The following ROCK1 variants were observed in gnomAD, a reference collection of about 807,000 sequenced individuals.
ROCK1 encodes the protein rho-associated protein kinase 1.
In ROCK1, 36 loss-of-function variants were observed where a neutral mutation model predicts 196.8. The ratio of observed to expected loss-of-function variants is 0.18; its 90% CI spans 0.14 to 0.24. The LOEUF (loss-of-function observed/expected upper bound fraction) is 0.24. Among genes scored for constraint, ROCK1 ranks in the 10% least tolerant of loss-of-function variants. The probability of loss-of-function intolerance (pLI) is 1.00; values close to 1 mark genes in which losing one functional copy is unlikely to be tolerated. For synonymous variants in ROCK1, 443 were observed against 515.9 expected, an observed-to-expected ratio of 0.86 and a Z score of 1.91; for missense variants, 920 against 1,562.0, an observed-to-expected ratio of 0.59 and a Z score of 6.93.
intron 29 of ROCK1, among the ~76,000 whole-genome samples, chr18:20,955,800 A>G (rs1202598038): frequency 1.1e-4 from 16 of 149,646 alleles, no homozygotes; most frequent in African/African-American, 3.7e-4. Context: ...GATTGATCTT[A>G]AGGGAATTAT....
At position 20,947,741 on chromosome 18, in the gene ROCK1, A is replaced by C. The variant is rs1467587590; in HGVS notation, c.*3643T>G. On this transcript the variant is annotated 3_prime_UTR_variant, in exon 33 of 33. Transcript: ENST00000399799. The stretch of plus-strand genomic sequence containing the variant: ...CATTTCCGTTTATTCATGTCTTTTT[A>C]AACTTCTCCAAATGTCTTACAATTT... 7 of 152,108 alleles carry C rather than the reference A, an allele frequency of 4.6e-5. No individual in the cohort carries two copies. Among genetic ancestry groups the C allele is most frequent in the Non-Finnish European group, 1.0e-4 (7 of 67,988 alleles). 9.4% of individuals were successfully genotyped at this position (152,108 alleles called of 1,614,324 possible). A position where few individuals can be genotyped will look rare whatever the true frequency, so the allele number is the denominator to read the frequency against.
At chr18:21,083,744 A>G (rs1030611853) in intron 1 of ROCK1, among the ~76,000 whole-genome samples, 17 of 152,136 alleles carry the variant, frequency 1.1e-4, no homozygotes, top group African/African-American at 4.1e-4. Flanking sequence ...ATATATTTAC[A>G]TATAACATAC....
At chr18:21,021,209 G>C (rs1171435572) in intron 11 of ROCK1, among the ~76,000 whole-genome samples, 1 of 152,130 alleles carries the variant, frequency 6.6e-6, no homozygotes, top group Non-Finnish European at 1.5e-5. Context: ...GGAGGGAATG[G>C]GGACAGGAAA....
chr18:20,958,164 T>C (rs1305225363), intron 29 of ROCK1, among the ~76,000 whole-genome samples: 1 of 152,222 alleles, frequency 6.6e-6, no homozygotes, highest in South Asian at 2.1e-4. Context: ...CTAGTGTTTA[T>C]GTATTATTTC....
At chr18:21,082,666 G>A (rs1449974207) in intron 1 of ROCK1, among the ~76,000 whole-genome samples, 2 of 152,098 alleles carry the variant, frequency 1.3e-5, no homozygotes, top group African/African-American at 4.8e-5. Flanking sequence ...ACAGGGAATG[G>A]AAAGAAACTT....
At position 20,992,945 on chromosome 18, in the gene ROCK1, G is replaced by A; in HGVS notation, c.1886-8C>T. 2 of 1,579,954 alleles carry A rather than the reference G, an allele frequency of 1.3e-6. No homozygotes were observed. Among genetic ancestry groups the A allele is most frequent in the Non-Finnish European group, 1.7e-6 (2 of 1,151,084 alleles). ...GTAAAGATGTAATTCGAGCTATCAA[G>A]TGAGAAAAAAGTTCAAGTCTGTAGT... is the stretch of plus-strand genomic sequence containing the variant. On this transcript the variant is annotated splice_region_variant and splice_polypyrimidine_tract_variant and intron_variant, in intron 16 of 32. Transcript: ENST00000399799.
chr18:21,089,125 A>T (rs1174749660), intron 1 of ROCK1, among the ~76,000 whole-genome samples: 1 of 152,058 alleles, frequency 6.6e-6, no homozygotes, highest in Non-Finnish European at 1.5e-5. Flanking sequence ...AGCTCACTGC[A>T]ACCTCCACTG....
intron 14 of ROCK1, 57 bp from the exon 15 acceptor site, chr18:21,006,847 T>A: frequency 8.3e-7 from 1 of 1,204,026 alleles, no homozygotes; most frequent in Non-Finnish European, 1.2e-6. Context: ...GGGAAACATA[T>A]AAATCCTTTT....
intron 16 of ROCK1, among the ~76,000 whole-genome samples, chr18:20,999,095 C>G (rs2035698518): frequency 6.6e-6 from 1 of 152,030 alleles, no homozygotes; most frequent in African/African-American, 2.4e-5. Flanking sequence ...ACGAGGAGCA[C>G]ACATGCAAAA....
chr18:21,015,260 C>T (rs1216002871), intron 13 of ROCK1, among the ~76,000 whole-genome samples, 171 bp downstream of exon 13: 3 of 152,118 alleles, frequency 2.0e-5, no homozygotes. Flanking sequence ...AAATTATAAT[C>T]TAATCTGTAC....
intron 1 of ROCK1, among the ~76,000 whole-genome samples, chr18:21,079,719 C>T (rs142699760): frequency 6.6e-6 from 1 of 152,254 alleles, no homozygotes; most frequent in African/African-American, 2.4e-5. Context: ...CCTGCCATGG[C>T]TACTAAAAGA....
At chr18:21,007,488 C>T (rs1481959062) in intron 14 of ROCK1, among the ~76,000 whole-genome samples, 1 of 152,066 alleles carries the variant, frequency 6.6e-6, no homozygotes, top group Non-Finnish European at 1.5e-5. Context: ...GCATTGACTG[C>T]ATTTTTTTTG....
chr18:21,035,229 T>C (rs951824351), intron 9 of ROCK1, among the ~76,000 whole-genome samples: 5 of 152,220 alleles, frequency 3.3e-5, no homozygotes, highest in African/African-American at 9.6e-5. Context: ...GTGGATACTA[T>C]TATGGCGTTT....
At chr18:21,041,270 TAAAAAAAAAA>T (rs780115669) in intron 8 of ROCK1, among the ~76,000 whole-genome samples, 1 of 105,178 alleles carries the variant, frequency 9.5e-6, no homozygotes, top group African/African-American at 3.6e-5. Flanking sequence ...TGTCTCTATT[TAAAAAAAAAA>T]AAAAAAAAAA....
At chr18:20,986,868 T>G in intron 19 of ROCK1, 82 bp downstream of exon 19, 1 of 1,246,320 alleles carries the variant, frequency 8.0e-7, no homozygotes, top group Non-Finnish European at 1.1e-6. Context: ...TCATGGTGTT[T>G]AAATTATAGA....
intron 1 of ROCK1, among the ~76,000 whole-genome samples, chr18:21,074,636 T>C (rs1189137078): frequency 6.6e-6 from 1 of 152,242 alleles, no homozygotes; most frequent in Non-Finnish European, 1.5e-5. Context: ...TGAGGGGAAA[T>C]GTTACATAAC....
chr18:21,001,429 A>G (rs986415062), intron 16 of ROCK1, among the ~76,000 whole-genome samples: 3 of 152,202 alleles, frequency 2.0e-5, no homozygotes, highest in African/African-American at 7.2e-5. Flanking sequence ...TGTTACAAGA[A>G]TTTCACCTTA....
chr18:21,108,104 G>T (rs548403500), intron 1 of ROCK1, among the ~76,000 whole-genome samples: 2 of 152,038 alleles, frequency 1.3e-5, no homozygotes, highest in East Asian at 3.8e-4. Flanking sequence ...GATTGACGGG[G>T]TAATAAAATT....
intron 2 of ROCK1, among the ~76,000 whole-genome samples, chr18:21,063,136 C>T (rs555710635): frequency 2.0e-5 from 3 of 152,194 alleles, no homozygotes; most frequent in Admixed American, 2.0e-4. Context: ...TTTTATAACC[C>T]CTTCCCACAA....
Sources: gnomAD v4.1 joint callset for allele counts (sites outside exome capture counted in the v4.1 genomes callset) on GRCh38, gnomAD v4.1.1 for gene constraint, MANE v1.5 for transcripts, NCBI Gene and HGNC (gene_info 2026-07-23, HGNC 2026-07-21) for gene names.